DNAH10: variants seen among roughly 807,000 people sequenced by gnomAD.
DNAH10 encodes axonemal beta dynein heavy chain 10.
In DNAH10, 348 loss-of-function variants were observed where a neutral mutation model predicts 506.6. The ratio of observed to expected loss-of-function variants is 0.69; its 90% CI spans 0.63 to 0.75. DNAH10 has a LOEUF of 0.75. Ranked by LOEUF, DNAH10 falls within the 30% of genes least tolerant of loss-of-function variation. DNAH10 has a pLI of 0.00. For missense variants in DNAH10, 5,179 were observed against 5,787.1 expected (o/e 0.89, Z 3.41); for synonymous variants, 2,059 against 2,198.6 (o/e 0.94, Z 1.78).
chr12:123,767,945 G>A (rs1389360074), intron 2 of DNAH10, among the ~76,000 whole-genome samples: 2 of 152,118 alleles, frequency 1.3e-5, no homozygotes, highest in African/African-American at 4.8e-5. Flanking sequence ...CAAAATCAAG[G>A]TGCTGGCAGG....
intron 54 of DNAH10, 135 bp from the exon 55 acceptor site, chr12:123,897,635 G>A: frequency 2.3e-6 from 2 of 861,344 alleles, no homozygotes; most frequent in South Asian, 2.0e-5. Context: ...TGAGGTGGGA[G>A]GATCACCTGT....
At chr12:123,922,359 C>CA (rs373336561) in intron 65 of DNAH10, among the ~76,000 whole-genome samples, 3 of 151,944 alleles carry the variant, frequency 2.0e-5, no homozygotes, top group African/African-American at 4.8e-5. Flanking sequence ...AACAAACAAA[C>CA]AAAAAAACTC....
chr12:123,881,875 G>A (rs1043150652), intron 51 of DNAH10, 62 bp downstream of exon 51: 19 of 1,388,946 alleles, frequency 1.4e-5, no homozygotes, highest in Middle Eastern at 1.9e-4. Context: ...TTGGTAGTTC[G>A]TGTACATATT....
In DNAH10 at chr12:123,839,711, G is replaced by A. The variant is rs1302955458; in HGVS notation, c.5136+1022G>A. Among the ~76,000 whole-genome samples the A allele has an allele frequency of 6.0e-5, 8 of 134,084 alleles. No individual in the cohort carries two copies. The Admixed American group carries it at 6.6e-4, about 11-fold the overall frequency. 88.0% of individuals were successfully genotyped at this position (134,084 alleles called of 152,430 possible). ...AGAGTCTCACTCTGTCGCCCAGGCC[G>A]GAGTGCAGTGGCGCGATCTCCACTC... On this transcript the variant is annotated intron_variant, in intron 29 of 78. Coordinates refer to ENST00000673944, the MANE Select transcript of DNAH10 (RefSeq NM_001372106.1).
At chr12:123,908,295 C>A (rs556398333) in intron 57 of DNAH10, 3 of 455,492 alleles carry the variant, frequency 6.6e-6, no homozygotes, top group Admixed American at 2.3e-5. Context: ...TGTGTCTCCC[C>A]CTCTGTCCCT....
intron 13 of DNAH10, 86 bp from the exon 14 acceptor site, chr12:123,799,160 A>T: frequency 1.2e-6 from 1 of 833,870 alleles, no homozygotes; most frequent in Non-Finnish European, 1.6e-6. Flanking sequence ...TATTATATTT[A>T]TAATTTGTAT....
In DNAH10 at chr12:123,771,638, A is replaced by G; in HGVS notation, c.336A>G (p.Gln112=). The stretch of plus-strand genomic sequence containing the variant: ...CACTGAGAACCGAATCTCTAGGCCA[A>G]CCTCTAAACAGAGAGGATGAAGAAA... ...RVSLRTESLG[Q]PLNREDEEMD... The change falls in exon 3 of 79, where the codon CAA becomes CAG. Residue 112 remains glutamine (Q), a synonymous_variant. Transcript: ENST00000673944. The G allele has an allele frequency of 6.2e-7, 1 of 1,613,608 alleles. No individual in the cohort carries two copies. Among genetic ancestry groups the G allele is most frequent in the East Asian group, 2.2e-5 (1 of 44,896 alleles).
At chr12:123,843,120 A>G (rs1950828188) in intron 30 of DNAH10, among the ~76,000 whole-genome samples, 1 of 152,220 alleles carries the variant, frequency 6.6e-6, no homozygotes, top group African/African-American at 2.4e-5. Context: ...GAGTTGGTGG[A>G]AGAGAGTAAG....
At chr12:123,869,564 C>T (rs569869016) in intron 43 of DNAH10, among the ~76,000 whole-genome samples, 2 of 152,318 alleles carry the variant, frequency 1.3e-5, no homozygotes, top group East Asian at 3.9e-4. Context: ...GATCTTTCTC[C>T]CTGCTTCAAC....
chr12:123,899,983 G>C (rs1255788229), intron 56 of DNAH10, among the ~76,000 whole-genome samples: 1 of 152,122 alleles, frequency 6.6e-6, no homozygotes, highest in African/African-American at 2.4e-5. Context: ...GGCCGTGAAG[G>C]GTCCCATCAA....
intron 30 of DNAH10, among the ~76,000 whole-genome samples, chr12:123,845,316 A>T (rs777730144): frequency 1.3e-5 from 2 of 152,256 alleles, no homozygotes; most frequent in Middle Eastern, 6.8e-3. Context: ...TTAAAAAGTG[A>T]TCTGGCATCT....
At position 123,787,799 on chromosome 12, in the gene DNAH10, C is replaced by T. The variant is rs771011276; in HGVS notation, c.1422-5C>T. 5.6e-6 allele frequency: 9 copies of T among 1,612,576 alleles called. No homozygotes were observed. Among genetic ancestry groups the T allele is most frequent in the Admixed American group, 1.7e-5 (1 of 59,766 alleles). On this transcript the variant is annotated splice_polypyrimidine_tract_variant and splice_region_variant and intron_variant, in intron 9 of 78. Transcript: ENST00000673944. The surrounding 1 kb of genome is among the most constrained non-coding windows in gnomAD (Gnocchi z 4.6). ...CTCCCATCACGGCATCTCTTGGCTT[C>T]GCAGAGAAAATCGAGCGAGTGCCCA... is the stretch of plus-strand genomic sequence containing the variant.
intron 19 of DNAH10, among the ~76,000 whole-genome samples, chr12:123,812,411 A>C (rs1264300289): frequency 6.6e-6 from 1 of 152,188 alleles, no homozygotes; most frequent in Non-Finnish European, 1.5e-5. Flanking sequence ...AGATTGCGCC[A>C]CTGCACTCCA....
Position 123,789,024 on chromosome 12 carries a change from C to T in DNAH10, c.1621-903C>T, listed in dbSNP as rs190785332. On this transcript the variant is annotated intron_variant, in intron 10 of 78. Transcript: ENST00000673944. ...CAGCACTTTGGGAGGCCAAGGTGGGCGGATCACGAGGTCAGGAGTTCAAGA... is the reference window on the plus strand; with the variant it reads ...CAGCACTTTGGGAGGCCAAGGTGGGTGGATCACGAGGTCAGGAGTTCAAGA... Among the ~76,000 whole-genome samples, 79 of 151,616 alleles carry T rather than the reference C, an allele frequency of 5.2e-4. No homozygotes were observed. The East Asian group carries it at 0.011, about 22-fold the overall frequency.
chr12:123,923,448 G>C (rs1042720969), intron 65 of DNAH10: 1 of 192,978 alleles, frequency 5.2e-6, no homozygotes, highest in African/African-American at 2.3e-5. Flanking sequence ...GCCTTCAGTG[G>C]AGAGGGCTGC....
At chr12:123,910,923 C>G (rs904567395) in intron 59 of DNAH10, among the ~76,000 whole-genome samples, 6 of 152,160 alleles carry the variant, frequency 3.9e-5, no homozygotes, top group Admixed American at 3.9e-4. Context: ...TAAAGATGTT[C>G]AGACCAGGCG....
intron 5 of DNAH10, among the ~76,000 whole-genome samples, chr12:123,780,417 C>T (rs1159757449): frequency 2.0e-5 from 3 of 151,426 alleles, no homozygotes; most frequent in East Asian, 2.0e-4. Context: ...CCACCAGCCT[C>T]GGCCTCCCAA....
chr12:123,864,573 C>G lies in DNAH10; in HGVS notation c.6909-22C>G, dbSNP rs1345677659. 4.3e-6 allele frequency: 7 copies of G among 1,612,362 alleles called. No individual in the cohort carries two copies. In the African/African-American group the frequency reaches 9.4e-5, roughly 22 times the overall value. On this transcript the variant is annotated intron_variant, in intron 39 of 78. Transcript: ENST00000673944. ...TGGAAGCTCTCTAGGACCCATGGCT[C>G]TCCTTTCTTTGGTTGCTGCAGGTAT... is the stretch of plus-strand genomic sequence containing the variant.
chr12:123,871,382 G>A, intron 44 of DNAH10, 75 bp from the exon 45 acceptor site: 1 of 1,518,452 alleles, frequency 6.6e-7, no homozygotes, highest in Non-Finnish European at 8.9e-7. Context: ...GGGGTTCTAG[G>A]ACAACTCCAT....
Sources: allele counts gnomAD v4.1 joint callset (sites outside exome capture counted in the v4.1 genomes callset), GRCh38; gene constraint gnomAD v4.1.1; non-coding constraint Gnocchi (gnomAD v3.1); transcripts MANE v1.5; gene names NCBI Gene and HGNC (gene_info 2026-07-23, HGNC 2026-07-21).